TMTC4: variants seen among roughly 807,000 people sequenced by gnomAD.
TMTC4 encodes transmembrane O-mannosyltransferase targeting cadherins 4.
A neutral mutation model predicts 86.0 loss-of-function variants in TMTC4; 65 were observed. The ratio of observed to expected loss-of-function variants is 0.76; its 90% CI spans 0.62 to 0.93. TMTC4 has a LOEUF of 0.93. Among genes scored for constraint, TMTC4 ranks in the 40% least tolerant of loss-of-function variants. TMTC4 has a pLI of 0.00. For synonymous variants in TMTC4, 379 were observed against 382.5 expected, an observed-to-expected ratio of 0.99 and a Z score of 0.11; for missense variants, 866 against 948.1, an observed-to-expected ratio of 0.91 and a Z score of 1.14.
upstream of TMTC4, chr13:100,675,065 G>C (rs960922998): frequency 2.0e-6 from 2 of 985,596 alleles, no homozygotes; most frequent in Non-Finnish European, 2.4e-6. Flanking sequence ...GGGACAGACG[G>C]ACCCGGCGGG....
chr13:100,656,299 CT>C, intron 6 of TMTC4, 81 bp downstream of exon 6: 1 of 1,238,496 alleles, frequency 8.1e-7, no homozygotes, highest in Non-Finnish European at 1.1e-6. Flanking sequence ...TAGATGGATT[CT>C]TTCCCGTATG....
intron 5 of TMTC4, among the ~76,000 whole-genome samples, chr13:100,660,970 A>T (rs1447405855): frequency 2.6e-5 from 4 of 152,146 alleles, no homozygotes; most frequent in African/African-American, 7.2e-5. Context: ...TGGAATTTTT[A>T]ACTGCAGGGT....
At chr13:100,632,343 GAAAAT>G (rs1230148787) in intron 12 of TMTC4, among the ~76,000 whole-genome samples, 1 of 152,146 alleles carries the variant, frequency 6.6e-6, no homozygotes, top group African/African-American at 2.4e-5. Flanking sequence ...GGAAAACAGA[GAAAAT>G]AATACGCTGT....
Position 100,625,572 on chromosome 13 carries a change from C to T in TMTC4, c.1799G>A (p.Arg600Lys), listed in dbSNP as rs1227218624. ...QSYRTAIKHR[R>K]KYPDCYYNLG... is the part of the protein sequence containing the mutation. ...GTTGTAGTAACAGTCTGGGTATTTC[C>T]TTCTGTGTTTAATTGCTGTCCGGTA... Residue 600 changes from arginine to lysine, a missense_variant, in exon 15 of 19, where the codon AGG becomes AAG. Transcript: ENST00000342624. The T allele has an allele frequency of 9.3e-6, 15 of 1,614,074 alleles. No individual in the cohort carries two copies. The highest frequency in any genetic ancestry group is 2.2e-5 in the South Asian group (2 of 91,088).
At position 100,617,904 on chromosome 13, in the gene TMTC4, G is replaced by C. The variant is rs138063119; in HGVS notation, c.1837-3474C>G. Among the ~76,000 whole-genome samples the C allele has an allele frequency of 1.3e-3, 199 of 152,292 alleles. 1 individual carries two copies. Among genetic ancestry groups the C allele is most frequent in the Admixed American group, 3.7e-3 (57 of 15,306 alleles). ...TTGGCAGTTTGATAGGAACAGTGTT[G>C]AATCTGTAGATTGCTTTGGGCAGTA... On this transcript the variant is annotated intron_variant, in intron 15 of 18. Transcript: ENST00000342624.
At chr13:100,632,057 T>A (rs973019272) in intron 12 of TMTC4, among the ~76,000 whole-genome samples, 2,926 of 31,992 alleles carry the variant, frequency 0.091, 12 homozygotes, top group Middle Eastern at 0.13. Flanking sequence ...ACACACACTC[T>A]CTCTCTCTCT....
intron 5 of TMTC4, among the ~76,000 whole-genome samples, chr13:100,661,708 A>T (rs578174500): frequency 7.4e-4 from 112 of 152,338 alleles, no homozygotes; most frequent in African/African-American, 2.6e-3. Context: ...TATCAGGAGG[A>T]GGGTGTGATA....
intron 6 of TMTC4, among the ~76,000 whole-genome samples, chr13:100,645,115 A>G (rs1006384194): frequency 6.6e-6 from 1 of 152,154 alleles, no homozygotes; most frequent in Non-Finnish European, 1.5e-5. Context: ...CCCGGCCTGA[A>G]CATTCTTGTT....
At chr13:100,607,516 CAA>C (rs35106656) in intron 17 of TMTC4, among the ~76,000 whole-genome samples, 39 of 125,882 alleles carry the variant, frequency 3.1e-4, no homozygotes, top group Admixed American at 4.8e-4. Flanking sequence ...GACTCTGTCT[CAA>C]AAAAAAAAAA....
Position 100,620,828 on chromosome 13 carries a change from A to AAAAC in TMTC4, c.1836+4703_1836+4706dup, listed in dbSNP as rs140760914. 7.3e-3 allele frequency among the ~76,000 whole-genome samples: 1,112 copies of AAAAC among 152,224 alleles called. 6 individuals carry two copies. Among genetic ancestry groups the AAAAC allele is most frequent in the African/African-American group, 0.017 (694 of 41,520 alleles). On this transcript the variant is annotated intron_variant, in intron 15 of 18. Coordinates refer to ENST00000342624, the MANE Select transcript of TMTC4 (RefSeq NM_032813.5). Reference sequence around the variant, plus strand: ...TCCTGTTACTAGAGAGTGATTTCTTAAAACAAACAAACAAACAAACAAACA... The same window carrying AAAAC: ...TCCTGTTACTAGAGAGTGATTTCTTAAAACAAACAAACAAACAAACAAACAAACA...
At chr13:100,623,857 T>C (rs949931572) in intron 15 of TMTC4, 1 of 478,698 alleles carries the variant, frequency 2.1e-6, no homozygotes, top group African/African-American at 2.0e-5. Context: ...AGCACTGTTT[T>C]CCTCTTCACA....
chr13:100,661,563 A>T (rs1011237599), intron 5 of TMTC4, among the ~76,000 whole-genome samples: 2 of 152,332 alleles, frequency 1.3e-5, no homozygotes, highest in Admixed American at 1.3e-4. Context: ...GAGAACTCAG[A>T]TCGAAACAAA....
chr13:100,636,236 G>A (rs765042984), intron 10 of TMTC4, among the ~76,000 whole-genome samples: 2 of 152,150 alleles, frequency 1.3e-5, no homozygotes, highest in African/African-American at 4.8e-5. Context: ...TGTTCTGACC[G>A]TAAATTACTC....
At chr13:100,644,648 G>A (rs191878445) in intron 6 of TMTC4, among the ~76,000 whole-genome samples, 72 of 152,236 alleles carry the variant, frequency 4.7e-4, no homozygotes, top group Non-Finnish European at 6.2e-4. Flanking sequence ...GAATCTCTGC[G>A]TATCAAATTT....
chr13:100,634,976 T>C (rs1208364685), intron 11 of TMTC4, 40 bp from the exon 12 acceptor site: 2 of 1,610,630 alleles, frequency 1.2e-6, no homozygotes, highest in Admixed American at 1.7e-5. Context: ...ACCAGTGAGA[T>C]GCATCCGGTC....
intron 7 of TMTC4, among the ~76,000 whole-genome samples, chr13:100,640,764 G>A (rs553196460): frequency 1.4e-3 from 210 of 149,362 alleles, no homozygotes; most frequent in African/African-American, 5.0e-3. Context: ...CTGTAATCAC[G>A]CCACTGCCCT....
At chr13:100,617,821 CTT>C (rs1878752143) in intron 15 of TMTC4, among the ~76,000 whole-genome samples, 1 of 152,142 alleles carries the variant, frequency 6.6e-6, no homozygotes, top group Non-Finnish European at 1.5e-5. Context: ...TATTCAGGTT[CTT>C]TTTTGGTTCA....
rs1876452653 is a variant in TMTC4 at position 100,605,503 on chromosome 13, T to C, written c.2135-361A>G. ...GGTGGGGGTGATGGATGCTAGGCAC[T>C]GCCCAGAGCCCTGACTATGCAGAAG... On this transcript the variant is annotated intron_variant, in intron 18 of 18. Transcript: ENST00000342624. The surrounding 1 kb of genome is among the most constrained non-coding windows in gnomAD (Gnocchi z 4.3). Among the ~76,000 whole-genome samples, 1 of 152,192 alleles carries C rather than the reference T, an allele frequency of 6.6e-6. No homozygotes were observed. Among genetic ancestry groups the C allele is most frequent in the African/African-American group, 2.4e-5 (1 of 41,438 alleles).
intron 5 of TMTC4, among the ~76,000 whole-genome samples, chr13:100,660,344 A>G (rs865950330): frequency 4.0e-5 from 5 of 126,164 alleles, no homozygotes; most frequent in African/African-American, 7.9e-5. Context: ...AAAAAAAAAA[A>G]AAAAGAAAAG....
Sources: gnomAD v4.1 joint callset for allele counts (sites outside exome capture counted in the v4.1 genomes callset) on GRCh38, gnomAD v4.1.1 for gene constraint, Gnocchi (gnomAD v3.1) non-coding constraint, MANE v1.5 for transcripts, NCBI Gene and HGNC (gene_info 2026-07-23, HGNC 2026-07-21) for gene names.